BMP7: variants seen among roughly 807,000 people sequenced by gnomAD.
The protein encoded by BMP7 is osteogenic protein 1.
A neutral mutation model predicts 41.2 loss-of-function variants in BMP7; 12 were observed. That is an observed-to-expected ratio of 0.29 (90% CI 0.19 to 0.47). BMP7 has a LOEUF of 0.47. Among genes scored for constraint, BMP7 ranks in the 20% least tolerant of loss-of-function variants. BMP7 has a pLI of 0.99. For missense variants in BMP7, 467 were observed against 606.0 expected, an observed-to-expected ratio of 0.77 and a Z score of 2.41; for synonymous variants, 248 against 250.0, an observed-to-expected ratio of 0.99 and a Z score of 0.07.
At chr20:57,185,349 T>A (rs973977016) in intron 3 of BMP7, among the ~76,000 whole-genome samples, 1 of 152,178 alleles carries the variant, frequency 6.6e-6, no homozygotes, top group Non-Finnish European at 1.5e-5. Context: ...ATGTCTCGAA[T>A]AACAAGAACA....
At chr20:57,251,053 C>G (rs561694035) in intron 1 of BMP7, among the ~76,000 whole-genome samples, 130 of 152,344 alleles carry the variant, frequency 8.5e-4, no homozygotes, top group Admixed American at 1.7e-3. Context: ...CGGTGGGTAA[C>G]AGAGCAGCTG....
Position 57,170,605 on chromosome 20 carries a change from G to GC in BMP7, c.*353_*354insG. 1 of 345,204 alleles carries GC rather than the reference G, an allele frequency of 2.9e-6. No individual in the cohort carries two copies. The highest frequency in any genetic ancestry group is 7.4e-5 in the East Asian group (1 of 13,534). The allele number at this position is 345,204 out of a possible 1,614,324, so 21.4% of individuals were successfully genotyped here. On this transcript the variant is annotated 3_prime_UTR_variant, in exon 7 of 7. Coordinates refer to ENST00000395863, the MANE Select transcript of BMP7 (RefSeq NM_001719.3). ...CCTTGCCACGCCCCCTTCCTCCCACGGCTGGGTGGCCTGGCTGGTAGGCGC... is the reference window on the plus strand; with the variant it reads ...CCTTGCCACGCCCCCTTCCTCCCACGCGCTGGGTGGCCTGGCTGGTAGGCGC...
Position 57,216,152 on chromosome 20 carries a change from G to T in BMP7, c.611+12077C>A, listed in dbSNP as rs1006844389. ...CTGAAGCCGGGGGGGTCCAGGAAGG[G>T]GGCAGGCTGAGGACATCAGCTTGCA... On this transcript the variant is annotated intron_variant, in intron 2 of 6. Coordinates refer to ENST00000395863, the MANE Select transcript of BMP7 (RefSeq NM_001719.3). 2.6e-5 allele frequency among the ~76,000 whole-genome samples: 4 copies of T among 152,222 alleles called. No homozygotes were observed. The East Asian group carries it at 7.8e-4, about 30-fold the overall frequency.
At position 57,228,460 on chromosome 20, in the gene BMP7, C is replaced by T. The variant is rs1360996498; in HGVS notation, c.419-39G>A. ...AGAACACACACCAACACCGACAGCT[C>T]ATTAGTGTCTGGGTTTCACTCTCTG... On this transcript the variant is annotated intron_variant, in intron 1 of 6. Transcript: ENST00000395863. This position sits in a 1 kb window ranked among gnomAD's most constrained non-coding sequence, Gnocchi z 4.5. The T allele has an allele frequency of 6.2e-7, 1 of 1,605,182 alleles. No homozygotes were observed. Among genetic ancestry groups the T allele is most frequent in the Non-Finnish European group, 8.5e-7 (1 of 1,171,916 alleles).
chr20:57,191,816 G>A (rs1394744260), intron 3 of BMP7, among the ~76,000 whole-genome samples: 2 of 136,430 alleles, frequency 1.5e-5, no homozygotes, highest in African/African-American at 5.6e-5. Flanking sequence ...GTATATATAT[G>A]TTTTTATATA....
At chr20:57,226,841 T>G (rs915558125) in intron 2 of BMP7, among the ~76,000 whole-genome samples, 24 of 151,432 alleles carry the variant, frequency 1.6e-4, no homozygotes, top group Non-Finnish European at 3.1e-4. Flanking sequence ...TTTTTTTTTT[T>G]TTTGAGAAAG....
At chr20:57,244,539 G>A (rs1443895767) in intron 1 of BMP7, among the ~76,000 whole-genome samples, 4 of 152,256 alleles carry the variant, frequency 2.6e-5, no homozygotes, top group Admixed American at 6.5e-5. Context: ...TGGAGGTCTG[G>A]TTCACACGCA....
chr20:57,200,006 T>G (rs1984585007), intron 3 of BMP7, among the ~76,000 whole-genome samples: 1 of 152,188 alleles, frequency 6.6e-6, no homozygotes, highest in Admixed American at 6.5e-5. Flanking sequence ...CTGCAAGGAA[T>G]GGAGAGGGTC....
Position 57,171,121 on chromosome 20 carries a change from C to T in BMP7, c.1147-13G>A, listed in dbSNP as rs1449711725. 4 of 1,614,156 alleles carry T rather than the reference C, an allele frequency of 2.5e-6. No individual in the cohort carries two copies. Among genetic ancestry groups the T allele is most frequent in the Non-Finnish European group, 2.5e-6 (3 of 1,180,010 alleles). Reference sequence around the variant, plus strand: ...TGATGAAGTGGACCTGAAACACACACCAAAACATGGGCAGTGGTGAGAAGC... The same window carrying T: ...TGATGAAGTGGACCTGAAACACACATCAAAACATGGGCAGTGGTGAGAAGC... On this transcript the variant is annotated splice_polypyrimidine_tract_variant and intron_variant, in intron 6 of 6. Transcript: ENST00000395863. The surrounding 1 kb of genome is among the most constrained non-coding windows in gnomAD (Gnocchi z 4.5).
At chr20:57,181,853 C>T (rs6070013) in intron 4 of BMP7, among the ~76,000 whole-genome samples, 46,618 of 152,242 alleles carry the variant, frequency 0.31, 7,631 homozygotes, top group South Asian at 0.43. Context: ...ACACAGAGCC[C>T]GCGTATTGGA....
chr20:57,264,632 T>A (rs2066167527), intron 1 of BMP7, among the ~76,000 whole-genome samples: 1 of 152,088 alleles, frequency 6.6e-6, no homozygotes, highest in South Asian at 2.1e-4. Flanking sequence ...AGCTCTGAGA[T>A]CCCGCGCAAC....
At chr20:57,192,720 A>T (rs1240401737) in intron 3 of BMP7, among the ~76,000 whole-genome samples, 1 of 151,484 alleles carries the variant, frequency 6.6e-6, no homozygotes, top group Non-Finnish European at 1.5e-5. Flanking sequence ...GTTTTTTTTT[A>T]AAGCCTGCAG....
chr20:57,212,614 C>T (rs531267298), intron 2 of BMP7, among the ~76,000 whole-genome samples: 6 of 152,356 alleles, frequency 3.9e-5, no homozygotes, highest in Admixed American at 6.5e-5. Context: ...AGCAAGAGAG[C>T]GAGCCAGCGA....
Position 57,257,133 on chromosome 20 carries a change from A to T in BMP7, c.418+8572T>A, listed in dbSNP as rs564219850. 2.6e-5 allele frequency among the ~76,000 whole-genome samples: 4 copies of T among 152,282 alleles called. No homozygotes were observed. The East Asian group carries it at 7.7e-4, about 29-fold the overall frequency. On this transcript the variant is annotated intron_variant, in intron 1 of 6. Coordinates refer to ENST00000395863, the MANE Select transcript of BMP7 (RefSeq NM_001719.3). ...TGCAGAACTCCACGCCTCCACCCTG[A>T]ACCCACGATAGAGCTATAATGTGAT...
At chr20:57,231,923 G>A (rs2066030827) in intron 1 of BMP7, among the ~76,000 whole-genome samples, 1 of 152,224 alleles carries the variant, frequency 6.6e-6, no homozygotes, top group Non-Finnish European at 1.5e-5. Context: ...CATGTTTGCT[G>A]AGTGCTAACT....
chr20:57,238,480 G>A (rs1043610162), intron 1 of BMP7, among the ~76,000 whole-genome samples: 17 of 152,084 alleles, frequency 1.1e-4, no homozygotes, highest in Non-Finnish European at 1.6e-4. Context: ...AAATGAAATC[G>A]CTGTGTCACA....
intron 2 of BMP7, among the ~76,000 whole-genome samples, chr20:57,205,141 T>TTTTGTTTG (rs10627323): frequency 0.093 from 14,098 of 151,128 alleles, 1,110 homozygotes; most frequent in African/African-American, 0.21. Flanking sequence ...GGTATTTGTT[T>TTTTGTTTG]TTTGTTTGTT....
chr20:57,260,289 C>T (rs774525400), intron 1 of BMP7, among the ~76,000 whole-genome samples: 1 of 152,136 alleles, frequency 6.6e-6, no homozygotes, highest in Admixed American at 6.5e-5. Flanking sequence ...TAGAAAGAAC[C>T]AGCTCGCTTC....
chr20:57,237,270 G>A (rs1347500064), intron 1 of BMP7, among the ~76,000 whole-genome samples: 3 of 152,210 alleles, frequency 2.0e-5, no homozygotes, highest in African/African-American at 7.2e-5. Flanking sequence ...ATAACCAGAA[G>A]TCAGAACTGG....
Sources: gnomAD v4.1 joint callset for allele counts (sites outside exome capture counted in the v4.1 genomes callset) on GRCh38, gnomAD v4.1.1 for gene constraint, Gnocchi (gnomAD v3.1) non-coding constraint, MANE v1.5 for transcripts, NCBI Gene and HGNC (gene_info 2026-07-23, HGNC 2026-07-21) for gene names.